Variants in CD300C observed in about 807,000 individuals in gnomAD.
The protein encoded by CD300C is CD300c molecule.
CD300C carries 11 observed loss-of-function variants against 18.4 expected under a neutral mutation model. The ratio of observed to expected loss-of-function variants is 0.60; its 90% CI spans 0.38 to 0.99. The LOEUF (loss-of-function observed/expected upper bound fraction) is 0.99, where lower values mean the gene tolerates loss of function less well. Ranked by LOEUF, CD300C falls within the 50% of genes least tolerant of loss-of-function variation. The probability of loss-of-function intolerance (pLI) is 0.01; values close to 1 mark genes in which losing one functional copy is unlikely to be tolerated. For synonymous variants in CD300C, 116 were observed against 116.3 expected (o/e 1.00, Z 0.02); for missense variants, 277 against 287.4 (o/e 0.96, Z 0.26).
intron 1 of CD300C, 119 bp from the exon 2 acceptor site, chr17:74,545,066 T>C: frequency 2.2e-6 from 2 of 907,140 alleles, no homozygotes; most frequent in Admixed American, 2.7e-5. Context: ...GCAGGCAGCC[T>C]TTGTCCACCC....
intron 2 of CD300C, among the ~76,000 whole-genome samples, chr17:74,543,694 AG>A (rs1908643215): frequency 6.6e-6 from 1 of 152,160 alleles, no homozygotes; most frequent in South Asian, 2.1e-4. Context: ...ATGGAGAACA[AG>A]AAGATGCTCC....
At chr17:74,536,192 T>C (rs1285706195), downstream of CD300C, among the ~76,000 whole-genome samples, 1 of 152,004 alleles carries the variant, frequency 6.6e-6, no homozygotes, top group Non-Finnish European at 1.5e-5. Context: ...AATGAATAAT[T>C]TGTACATTAA....
chr17:74,544,967 A>G lies in CD300C; in HGVS notation c.62-20T>C, dbSNP rs1908703333. 6.3e-7 allele frequency: 1 copy of G among 1,586,990 alleles called. No individual in the cohort carries two copies. Among genetic ancestry groups the G allele is most frequent in the Admixed American group, 1.7e-5 (1 of 58,790 alleles). ...AATAGCCTGAAAAATACAAGCCAAA[A>G]TCCTGTCTCCTTACCAGAGGGGCCT... On this transcript the variant is annotated intron_variant, in intron 1 of 3. Transcript: ENST00000330793.
chr17:74,541,064 A>T (rs1229098581), downstream of CD300C: 1 of 153,186 alleles, frequency 6.5e-6, no homozygotes, highest in African/African-American at 2.4e-5. Flanking sequence ...GGAACAATGG[A>T]TTTCTCACTC....
At position 74,544,927 on chromosome 17, in the gene CD300C, G is replaced by C. The variant is rs367803686; in HGVS notation, c.82C>G (p.Pro28Ala). ...LVPGYFPLSH[P>A]MTVAGPVGGS... ...CCCACGGGGCCCGCCACGGTCATGG[G>C]GTGGCTCAGAGGAAAATAGCCTGAA... The change falls in exon 2 of 4, where the codon CCC (proline) becomes GCC (alanine). Residue 28 changes from proline (P) to alanine (A), a missense_variant. Pro to Ala is a conservative substitution (Grantham distance 27, BLOSUM62 -1). Transcript: ENST00000330793. 2.5e-6 allele frequency: 4 copies of C among 1,612,234 alleles called. No individual in the cohort carries two copies. The highest frequency in any genetic ancestry group is 3.4e-6 in the Non-Finnish European group (4 of 1,178,736).
At chr17:74,537,729 C>T (rs1908424227), downstream of CD300C, among the ~76,000 whole-genome samples, 1 of 151,724 alleles carries the variant, frequency 6.6e-6, no homozygotes, top group South Asian at 2.1e-4. Flanking sequence ...AGCTAAACAA[C>T]ATACCCTTTG....
downstream of CD300C, among the ~76,000 whole-genome samples, chr17:74,540,640 A>AC (rs1908516217): frequency 6.6e-6 from 1 of 152,126 alleles, no homozygotes; most frequent in African/African-American, 2.4e-5. Flanking sequence ...CATCATGGCG[A>AC]CCCTGGAACT....
chr17:74,541,769 C>T (rs1411646522), intron 3 of CD300C, 33 bp from the exon 4 acceptor site: 1 of 1,595,472 alleles, frequency 6.3e-7, no homozygotes, highest in East Asian at 2.3e-5. Flanking sequence ...AGTGAGTCAC[C>T]TCCCCAGGGG....
downstream of CD300C, among the ~76,000 whole-genome samples, chr17:74,538,465 C>A (rs569296126): frequency 4.1e-4 from 62 of 152,312 alleles, no homozygotes; most frequent in Middle Eastern, 3.4e-3. Flanking sequence ...TTGCCCCTAT[C>A]TCCAGTGCCA....
In CD300C at chr17:74,542,915, T is replaced by TG; in HGVS notation, c.472dup (p.His158ProfsTer56). 1.2e-6 allele frequency: 2 copies of TG among 1,612,472 alleles called. No homozygotes were observed. Among genetic ancestry groups the TG allele is most frequent in the Non-Finnish European group, 1.7e-6 (2 of 1,179,998 alleles). ...CTTTCTGGTCACGCTGGGCCAGGTG[T>TG]GCACGGGCAGCTTCGTGGGAGGACC... On this transcript the variant is annotated frameshift_variant, in exon 3 of 4. Transcript: ENST00000330793. LOFTEE classifies it high-confidence loss of function.
At chr17:74,544,549 G>A in intron 2 of CD300C, 60 bp downstream of exon 2, 1 of 1,545,308 alleles carries the variant, frequency 6.5e-7, no homozygotes, top group Middle Eastern at 1.8e-4. Flanking sequence ...CTTTCTTCAG[G>A]GACAGAATGA....
At chr17:74,538,864 G>A (rs112711767), downstream of CD300C, among the ~76,000 whole-genome samples, 14,339 of 152,230 alleles carry the variant, frequency 0.094, 2,175 homozygotes, top group African/African-American at 0.32. Context: ...GTTGTTGAGC[G>A]GCGGCTGCTA....
the CD300C span, among the ~76,000 whole-genome samples, chr17:74,535,293 C>T: frequency 6.6e-6 from 1 of 151,776 alleles, no homozygotes; most frequent in Non-Finnish European, 1.5e-5. Context: ...ATGGTGAAAC[C>T]CCGTCTTCAC....
chr17:74,541,734 G>T lies in CD300C; in HGVS notation c.530C>A (p.Ser177Tyr). ...DSPEPSPHPG[S>Y]LFSNVRFLLL... is the part of the protein sequence containing the mutation. ...CAGGAAGCGGACATTGCTGAACAGG[G>T]AGCTGTGGGGACACGGTGACAGGCA... The change falls in exon 4 of 4, where the codon TCC (serine) becomes TAC (tyrosine). Residue 177 changes from serine to tyrosine, a missense_variant and splice_region_variant. Physicochemically the swap from Ser to Tyr is moderately radical, Grantham distance 144 (BLOSUM62 -2). Coordinates refer to ENST00000330793, the MANE Select transcript of CD300C (RefSeq NM_006678.5). 1 of 1,612,874 alleles carries T rather than the reference G, an allele frequency of 6.2e-7. No homozygotes were observed.
At position 74,542,910 on chromosome 17, in the gene CD300C, A is replaced by G. The variant is rs1229416870; in HGVS notation, c.478T>C (p.Trp160Arg). 2 of 1,612,228 alleles carry G rather than the reference A, an allele frequency of 1.2e-6. No individual in the cohort carries two copies. The highest frequency in any genetic ancestry group is 1.7e-6 in the Non-Finnish European group (2 of 1,180,002). ...CTGTCCTTTCTGGTCACGCTGGGCCAGGTGTGCACGGGCAGCTTCGTGGGA... is the reference window on the plus strand; with the variant it reads ...CTGTCCTTTCTGGTCACGCTGGGCCGGGTGTGCACGGGCAGCTTCGTGGGA... ...GPPTKLPVHT[W>R]PSVTRKDSPE... The change falls in exon 3 of 4, where the codon TGG becomes CGG. Residue 160 changes from tryptophan (W) to arginine (R), a missense_variant. Physicochemically the swap from Trp to Arg is moderately radical, Grantham distance 101 (BLOSUM62 -3). Coordinates refer to ENST00000330793, the MANE Select transcript of CD300C (RefSeq NM_006678.5).
downstream of CD300C, among the ~76,000 whole-genome samples, chr17:74,539,856 G>A (rs1006590060): frequency 6.6e-5 from 10 of 152,264 alleles, no homozygotes; most frequent in Non-Finnish European, 8.8e-5. Flanking sequence ...GGTGGGTTTC[G>A]TCTGGACTGG....
chr17:74,535,660 T>A, the CD300C span, among the ~76,000 whole-genome samples: 4 of 152,126 alleles, frequency 2.6e-5, no homozygotes, highest in African/African-American at 7.2e-5. Context: ...AAAGATAAAT[T>A]TCATACATTT....
In CD300C at chr17:74,545,830, G is replaced by GAT. The variant is rs1479388695; in HGVS notation, c.-49_-48insAT. 1 of 1,498,708 alleles carries GAT rather than the reference G, an allele frequency of 6.7e-7. No individual in the cohort carries two copies. The highest frequency in any genetic ancestry group is 9.2e-7 in the Non-Finnish European group (1 of 1,086,270). 92.8% of individuals were successfully genotyped at this position (1,498,708 alleles called of 1,614,324 possible). ...GCCACTGTGCAAGACCCCAGGAGGG[G>GAT]ACAAAATGTAATCTCCTCCCAGCAG... On this transcript the variant is annotated 5_prime_UTR_variant, in exon 1 of 4. Transcript: ENST00000330793.
At chr17:74,535,939 A>T in the CD300C span, among the ~76,000 whole-genome samples, 11 of 152,216 alleles carry the variant, frequency 7.2e-5, no homozygotes, top group African/African-American at 2.7e-4. Flanking sequence ...CATAGAAATA[A>T]ACACCTGCCA....
Sources: gnomAD v4.1 joint callset for allele counts (sites outside exome capture counted in the v4.1 genomes callset) on GRCh38, gnomAD v4.1.1 for gene constraint, MANE v1.5 for transcripts, NCBI Gene and HGNC (gene_info 2026-07-23, HGNC 2026-07-21) for gene names.